SCFD2: variants seen among roughly 807,000 people sequenced by gnomAD.
SCFD2 encodes sec1 family domain-containing protein 2.
SCFD2 carries 54 observed loss-of-function variants against 58.9 expected under a neutral mutation model. The observed-to-expected ratio is 0.92, with a 90% CI of 0.74 to 1.15. SCFD2 has a LOEUF of 1.15. SCFD2 is among the 50% of genes most tolerant of loss of function. The pLI, the probability that SCFD2 is intolerant of heterozygous loss-of-function variation, is 0.00. For missense variants in SCFD2, 805 were observed against 836.6 expected (o/e 0.96, Z 0.47); for synonymous variants, 321 against 335.9 (o/e 0.96, Z 0.49).
At chr4:52,900,919 C>T (rs183519768) in intron 7 of SCFD2, among the ~76,000 whole-genome samples, 18 of 152,278 alleles carry the variant, frequency 1.2e-4, no homozygotes, top group Admixed American at 7.8e-4. Flanking sequence ...GGAGAGGCTC[C>T]GCGGGCGCAG....
intron 8 of SCFD2, among the ~76,000 whole-genome samples, chr4:52,881,530 C>T (rs1718609448): frequency 1.3e-5 from 2 of 152,158 alleles, no homozygotes; most frequent in Admixed American, 1.3e-4. Context: ...AAAGACAATG[C>T]CTGGCACAGA....
chr4:52,964,487 C>T (rs1323231043), intron 5 of SCFD2, among the ~76,000 whole-genome samples: 1 of 152,166 alleles, frequency 6.6e-6, no homozygotes, highest in Non-Finnish European at 1.5e-5. Flanking sequence ...TCTTTTCCAA[C>T]GGCCCTGTCA....
intron 5 of SCFD2, among the ~76,000 whole-genome samples, chr4:53,065,491 CA>C (rs1186469445): frequency 6.6e-6 from 1 of 152,034 alleles, no homozygotes. Flanking sequence ...AGCAAACCGC[CA>C]GTAACACTCT....
intron 5 of SCFD2, among the ~76,000 whole-genome samples, chr4:53,098,815 A>G (rs1724741676): frequency 6.6e-6 from 1 of 152,118 alleles, no homozygotes; most frequent in Non-Finnish European, 1.5e-5. Flanking sequence ...ACATGCACGC[A>G]CACATTCTGA....
chr4:52,940,282 C>T (rs1720258357), intron 5 of SCFD2, among the ~76,000 whole-genome samples: 1 of 152,190 alleles, frequency 6.6e-6, no homozygotes, highest in Non-Finnish European at 1.5e-5. Flanking sequence ...CCCAGAATGG[C>T]TGGGGCTTGT....
intron 3 of SCFD2, among the ~76,000 whole-genome samples, chr4:53,292,022 AATTCAAAAT>A (rs1560431072): frequency 1.3e-4 from 20 of 152,294 alleles, no homozygotes; most frequent in African/African-American, 4.1e-4. Context: ...AAAATGAATT[AATTCAAAAT>A]GAATTAAAGA....
At chr4:53,059,608 C>T (rs1560317843) in intron 5 of SCFD2, among the ~76,000 whole-genome samples, 1 of 29,620 alleles carries the variant, frequency 3.4e-5, no homozygotes, top group African/African-American at 8.6e-5. Context: ...GTAAAATCTC[C>T]TTTCTCTTTT....
At chr4:52,942,608 G>A (rs1720320627) in intron 5 of SCFD2, among the ~76,000 whole-genome samples, 1 of 152,114 alleles carries the variant, frequency 6.6e-6, no homozygotes, top group African/African-American at 2.4e-5. Context: ...TAGGGTTGTT[G>A]GGGGAATAAA....
intron 7 of SCFD2, among the ~76,000 whole-genome samples, chr4:52,905,400 A>C (rs1719320447): frequency 6.6e-6 from 1 of 152,204 alleles, no homozygotes; most frequent in Admixed American, 6.5e-5. Context: ...GAAACCAAAC[A>C]AAATGGCTCT....
chr4:53,135,623 T>C (rs1289280184), intron 5 of SCFD2, among the ~76,000 whole-genome samples: 1 of 152,216 alleles, frequency 6.6e-6, no homozygotes, highest in East Asian at 1.9e-4. Flanking sequence ...GTGCCTGTAG[T>C]CTCAGCTACT....
chr4:53,257,968 T>C (rs1730699153), intron 4 of SCFD2, among the ~76,000 whole-genome samples: 1 of 151,756 alleles, frequency 6.6e-6, no homozygotes, highest in South Asian at 2.1e-4. Flanking sequence ...TGAGATAGGG[T>C]TGGCTGCAAG....
chr4:52,922,588 ATATT>A (rs1719766638), intron 5 of SCFD2, among the ~76,000 whole-genome samples: 1 of 152,228 alleles, frequency 6.6e-6, no homozygotes, highest in East Asian at 1.9e-4. Context: ...TGGAAATAGT[ATATT>A]TTATATATCG....
chr4:53,148,473 A>G (rs1726404341), intron 4 of SCFD2, among the ~76,000 whole-genome samples: 1 of 152,226 alleles, frequency 6.6e-6, no homozygotes, highest in African/African-American at 2.4e-5. Context: ...AGATGGTGGA[A>G]TAAACAGACT....
intron 5 of SCFD2, among the ~76,000 whole-genome samples, chr4:53,087,400 T>C (rs2148863478): frequency 6.6e-6 from 1 of 152,326 alleles, no homozygotes; most frequent in South Asian, 2.1e-4. Flanking sequence ...AGTGGCACAA[T>C]CTCAGCTCAC....
intron 6 of SCFD2, among the ~76,000 whole-genome samples, chr4:52,911,970 G>A (rs1175322279): frequency 1.3e-5 from 2 of 152,056 alleles, no homozygotes; most frequent in Non-Finnish European, 2.9e-5. Flanking sequence ...TCACCCTGGC[G>A]ATGGCCTCTC....
At chr4:53,034,875 G>C (rs1577674875) in intron 5 of SCFD2, among the ~76,000 whole-genome samples, 1 of 152,148 alleles carries the variant, frequency 6.6e-6, no homozygotes, top group African/African-American at 2.4e-5. Context: ...GGAAGAATCA[G>C]TATTGTGAAA....
intron 3 of SCFD2, among the ~76,000 whole-genome samples, chr4:53,283,355 C>A (rs1429460823): frequency 3.3e-5 from 5 of 152,044 alleles, no homozygotes; most frequent in African/African-American, 1.2e-4. Context: ...TTTATCAATT[C>A]TACTGTTAAA....
chr4:53,097,901 AT>A (rs1443723472), intron 5 of SCFD2, among the ~76,000 whole-genome samples: 1 of 152,096 alleles, frequency 6.6e-6, no homozygotes, highest in Non-Finnish European at 1.5e-5. Flanking sequence ...TCAATACTTA[AT>A]TTATTGAGAG....
chr4:53,360,635 C>T lies in SCFD2; in HGVS notation c.838+4469G>A, dbSNP rs1336489445. On this transcript the variant is annotated intron_variant, in intron 1 of 8. Coordinates refer to ENST00000401642, the MANE Select transcript of SCFD2 (RefSeq NM_152540.4). Reference sequence around the variant, plus strand: ...TCACCCTTCTCAGGAGATCTCACCCCACTTGGGATCCAACACCCAGGGCCC... The same window carrying T: ...TCACCCTTCTCAGGAGATCTCACCCTACTTGGGATCCAACACCCAGGGCCC... Among the ~76,000 whole-genome samples, 6 of 152,336 alleles carry T rather than the reference C, an allele frequency of 3.9e-5. No individual in the cohort carries two copies. The East Asian group carries it at 7.7e-4, about 20-fold the overall frequency.
Sources: allele counts gnomAD v4.1 joint callset (sites outside exome capture counted in the v4.1 genomes callset), GRCh38; gene constraint gnomAD v4.1.1; transcripts MANE v1.5; gene names NCBI Gene and HGNC (gene_info 2026-07-23, HGNC 2026-07-21).